GML: variants seen among roughly 807,000 people sequenced by gnomAD.
GML encodes glycosyl-phosphatidylinositol-anchored molecule-like protein.
Under a neutral mutation model 8.2 loss-of-function variants are expected in GML, and 5 were observed. The ratio of observed to expected loss-of-function variants is 0.61; its 90% CI spans 0.32 to 1.28. GML has a LOEUF of 1.28. Ranked by LOEUF, GML falls within the 50% of genes most tolerant of loss-of-function variation. The pLI, the probability that GML is intolerant of heterozygous loss-of-function variation, is 0.06. For missense variants in GML, 191 were observed against 198.3 expected, an observed-to-expected ratio of 0.96 and a Z score of 0.22; for synonymous variants, 72 against 69.0, an observed-to-expected ratio of 1.04 and a Z score of -0.22.
chr8:142,843,413 A>T (rs920068265), intron 3 of GML, among the ~76,000 whole-genome samples: 2 of 152,168 alleles, frequency 1.3e-5, no homozygotes, highest in African/African-American at 4.8e-5. Context: ...ATGATTGTAG[A>T]TGCTGAAATG....
intron 3 of GML, among the ~76,000 whole-genome samples, chr8:142,843,766 A>G (rs748641091): frequency 1.3e-4 from 20 of 151,896 alleles, no homozygotes; most frequent in Admixed American, 9.8e-4. Context: ...CCACAAATCT[A>G]ACTGGATTTG....
intron 3 of GML, among the ~76,000 whole-genome samples, chr8:142,843,704 T>C (rs530919281): frequency 6.6e-6 from 1 of 152,290 alleles, no homozygotes; most frequent in East Asian, 1.9e-4. Context: ...AGAAACAGAT[T>C]GAAAATGAAA....
intron 1 of GML, among the ~76,000 whole-genome samples, chr8:142,838,023 A>G (rs1586542803): frequency 1.4e-5 from 2 of 146,908 alleles, no homozygotes; most frequent in Admixed American, 1.4e-4. Context: ...CTGGTGCCCA[A>G]AGTGACAAAT....
At chr8:142,840,747 C>T (rs1223656300) in intron 2 of GML, among the ~76,000 whole-genome samples, 2 of 152,136 alleles carry the variant, frequency 1.3e-5, no homozygotes, top group African/African-American at 2.4e-5. Flanking sequence ...TGGCCCTTCT[C>T]CATCAGCGCC....
chr8:142,844,711 C>A (rs551343126), intron 3 of GML, among the ~76,000 whole-genome samples: 1 of 152,318 alleles, frequency 6.6e-6, no homozygotes, highest in Non-Finnish European at 1.5e-5. Context: ...CACTGTCGTT[C>A]TTCTTGAAAG....
At position 142,846,446 on chromosome 8, in the gene GML, C is replaced by T. The variant is rs1816504770; in HGVS notation, c.233C>T (p.Thr78Ile). 6.2e-7 allele frequency: 1 copy of T among 1,609,232 alleles called. No homozygotes were observed. Among genetic ancestry groups the T allele is most frequent in the African/African-American group, 1.3e-5 (1 of 74,840 alleles). ...TATAAGAACTGTACAAACAACTGCA[C>T]ATTTGTATATGCAGCTGAACAGCCT... ...LVYKNCTNNC[T>I]FVYAAEQPPE... The change falls in exon 4 of 4, where the codon ACA (threonine) becomes ATA (isoleucine). Residue 78 changes from threonine (T) to isoleucine (I), a missense_variant. Coordinates refer to ENST00000220940, the MANE Select transcript of GML (RefSeq NM_002066.3).
Position 142,846,826 on chromosome 8 carries a change from A to G in GML, c.*136A>G, listed in dbSNP as rs578035442. 2 of 625,044 alleles carry G rather than the reference A, an allele frequency of 3.2e-6. No individual in the cohort carries two copies. The highest frequency in any genetic ancestry group is 5.5e-5 in the East Asian group (2 of 36,328). The allele number at this position is 625,044 out of a possible 1,614,324, so 38.7% of individuals were successfully genotyped here. ...CCATTTATGGTTTGTTGTAAGAGAAAAATTAAAAAAATATTGTTTAGTGGA... is the reference window on the plus strand; with the variant it reads ...CCATTTATGGTTTGTTGTAAGAGAAGAATTAAAAAAATATTGTTTAGTGGA... On this transcript the variant is annotated 3_prime_UTR_variant, in exon 4 of 4. Coordinates refer to ENST00000220940, the MANE Select transcript of GML (RefSeq NM_002066.3).
intron 1 of GML, among the ~76,000 whole-genome samples, chr8:142,840,053 G>A (rs905634010): frequency 6.6e-6 from 1 of 151,644 alleles, no homozygotes; most frequent in Non-Finnish European, 1.5e-5. Flanking sequence ...GTCAGTGGGC[G>A]GAGTATTTGA....
At position 142,836,492 on chromosome 8, in the gene GML, A is replaced by C. The variant is rs951225047; in HGVS notation, c.-23+1624A>C. Among the ~76,000 whole-genome samples the C allele has an allele frequency of 2.3e-4, 35 of 152,390 alleles. 5 individuals are homozygous for C. The highest frequency in any genetic ancestry group is 2.0e-3 in the Admixed American group (30 of 15,310). On this transcript the variant is annotated intron_variant, in intron 1 of 3. Coordinates refer to ENST00000220940, the MANE Select transcript of GML (RefSeq NM_002066.3). Reference sequence around the variant, plus strand: ...TCTTTTTCTCTTTAATGCTCTCATTAGAATTTTTAAAGTACTTGTATGCTA... The same window carrying C: ...TCTTTTTCTCTTTAATGCTCTCATTCGAATTTTTAAAGTACTTGTATGCTA...
At chr8:142,836,613 T>C (rs184734157) in intron 1 of GML, among the ~76,000 whole-genome samples, 1 of 152,360 alleles carries the variant, frequency 6.6e-6, no homozygotes, top group African/African-American at 2.4e-5. Context: ...TGTGATGTTT[T>C]TATTGAACAT....
At chr8:142,841,819 T>C (rs1586544747) in intron 3 of GML, among the ~76,000 whole-genome samples, 1 of 151,530 alleles carries the variant, frequency 6.6e-6, no homozygotes, top group East Asian at 1.9e-4. Flanking sequence ...GCAGGGAGGG[T>C]GCAGCCAGTG....
intron 3 of GML, among the ~76,000 whole-genome samples, chr8:142,845,957 A>G (rs1047982883): frequency 1.3e-5 from 2 of 152,212 alleles, no homozygotes; most frequent in Non-Finnish European, 2.9e-5. Flanking sequence ...ACTGCAGAAA[A>G]TCTAGTTAAG....
chr8:142,840,469 A>G lies in GML; in HGVS notation c.32A>G (p.Glu11Gly), dbSNP rs188114864. The G allele has an allele frequency of 1.9e-6, 3 of 1,613,728 alleles. No individual in the cohort carries two copies. Among genetic ancestry groups the G allele is most frequent in the African/African-American group, 2.7e-5 (2 of 75,042 alleles). ...CTCTTTGCCTTACTCCTAGCCATGG[A>G]GCTCCCATTGGTGGCAGCCAGTGCC... MLLFALLLAM[E>G]LPLVAASATM... Residue 11 changes from glutamate (E) to glycine (G), a missense_variant, in exon 2 of 4, where the codon GAG (glutamate) becomes GGG (glycine). Glu to Gly is a moderately conservative substitution (Grantham distance 98). Transcript: ENST00000220940.
chr8:142,844,114 C>G (rs975191069), intron 3 of GML, among the ~76,000 whole-genome samples: 2 of 151,990 alleles, frequency 1.3e-5, no homozygotes, highest in African/African-American at 4.8e-5. Context: ...GTGTTGGATC[C>G]TGTGGTCAGG....
intron 3 of GML, among the ~76,000 whole-genome samples, chr8:142,845,571 G>A (rs1816493665): frequency 6.6e-6 from 1 of 152,316 alleles, no homozygotes; most frequent in African/African-American, 2.4e-5. Context: ...CCAGAATAAA[G>A]TATTTGTGTA....
intron 1 of GML, among the ~76,000 whole-genome samples, chr8:142,837,753 C>T (rs959621861): frequency 6.8e-6 from 1 of 146,050 alleles, no homozygotes; most frequent in Admixed American, 6.9e-5. Context: ...TGATGGAGAC[C>T]AGTGGTATGA....
At position 142,841,204 on chromosome 8, in the gene GML, C is replaced by A. The variant is rs3764795; in HGVS notation, c.160C>A (p.Arg54Ser). ...TAGAGTATGTCCGTATCATATTAGG[C>A]GCTGTATGACAATCTCCATTCGTAA... ...NIRVCPYHIR[R>S]CMTISIRINS... The change falls in exon 3 of 4, where the codon CGC becomes AGC. Residue 54 changes from arginine to serine, a missense_variant. Arg to Ser is a moderately radical substitution (Grantham distance 110). Coordinates refer to ENST00000220940, the MANE Select transcript of GML (RefSeq NM_002066.3). 1 of 1,508,854 alleles carries A rather than the reference C, an allele frequency of 6.6e-7. No individual in the cohort carries two copies. Among genetic ancestry groups the A allele is most frequent in the Non-Finnish European group, 9.2e-7 (1 of 1,084,966 alleles). 93.5% of individuals were successfully genotyped at this position (1,508,854 alleles called of 1,614,324 possible).
chr8:142,842,085 A>G (rs552390928), intron 3 of GML, among the ~76,000 whole-genome samples: 1 of 152,288 alleles, frequency 6.6e-6, no homozygotes, highest in South Asian at 2.1e-4. Flanking sequence ...TAATTGAATC[A>G]TGTGGGTGGT....
chr8:142,841,043 G>A (rs572499288), intron 2 of GML, 75 bp from the exon 3 acceptor site: 20 of 791,040 alleles, frequency 2.5e-5, no homozygotes, highest in South Asian at 2.1e-4. Context: ...CGTTGAAGAA[G>A]GGTGGAGTGA....
Sources: allele counts gnomAD v4.1 joint callset (sites outside exome capture counted in the v4.1 genomes callset), GRCh38; gene constraint gnomAD v4.1.1; transcripts MANE v1.5; gene names NCBI Gene and HGNC (gene_info 2026-07-23, HGNC 2026-07-21).